Variants in UNC5A observed in about 807,000 individuals in gnomAD.
UNC5A encodes netrin receptor UNC5A.
A neutral mutation model predicts 87.4 loss-of-function variants in UNC5A; 20 were observed. That is an observed-to-expected ratio of 0.23 (90% CI 0.16 to 0.33). UNC5A has a LOEUF of 0.33. Among genes scored for constraint, UNC5A ranks in the 10% least tolerant of loss-of-function variants. The probability of loss-of-function intolerance (pLI) is 1.00; values close to 1 mark genes in which losing one functional copy is unlikely to be tolerated. For synonymous variants in UNC5A, 438 were observed against 482.3 expected (o/e 0.91, Z 1.20); for missense variants, 844 against 1,133.4 (o/e 0.74, Z 3.67).
intron 1 of UNC5A, among the ~76,000 whole-genome samples, chr5:176,812,842 C>A (rs947663265): frequency 6.6e-6 from 1 of 152,152 alleles, no homozygotes; most frequent in African/African-American, 2.4e-5. Context: ...GGACTCCCTT[C>A]CCCCTGTGCC....
chr5:176,830,880 G>T (rs1262074290), intron 1 of UNC5A, among the ~76,000 whole-genome samples: 3 of 122,488 alleles, frequency 2.4e-5, no homozygotes, highest in African/African-American at 7.9e-5. Flanking sequence ...TGGTGTGTGT[G>T]TGGGTGTATG....
intron 2 of UNC5A, 54 bp from the exon 3 acceptor site, chr5:176,868,076 A>G (rs1294804472): frequency 6.4e-7 from 1 of 1,570,344 alleles, no homozygotes; most frequent in Admixed American, 1.9e-5. Context: ...GAACCCACAC[A>G]CAGAAGCTCA....
intron 1 of UNC5A, among the ~76,000 whole-genome samples, chr5:176,842,080 C>T (rs1757290101): frequency 6.6e-6 from 1 of 152,182 alleles, no homozygotes; most frequent in African/African-American, 2.4e-5. Context: ...GCCTGTAGTC[C>T]CAGCTACTCG....
At chr5:176,862,125 G>A (rs1263024829) in intron 1 of UNC5A, among the ~76,000 whole-genome samples, 6 of 152,208 alleles carry the variant, frequency 3.9e-5, no homozygotes, top group Non-Finnish European at 5.9e-5. Flanking sequence ...TGCCCACCCC[G>A]CATGTTATTT....
chr5:176,862,551 C>T (rs780955903), intron 1 of UNC5A, 73 bp from the exon 2 acceptor site: 117 of 1,406,870 alleles, frequency 8.3e-5, no homozygotes, highest in Non-Finnish European at 1.1e-4. Flanking sequence ...ACGGTGGAAT[C>T]GTTTGCTGAG....
In UNC5A at chr5:176,879,799, C is replaced by A; in HGVS notation, c.2442C>A (p.Asn814Lys). The stretch of plus-strand genomic sequence containing the variant: ...TGTGGGAGGCGCGGCACTTCCCCAA[C>A]GGCAACCTCAGCCAGCTGGCTGCAG... ...LNLWEARHFP[N>K]GNLSQLAAAV... Residue 814 changes from asparagine to lysine, a missense_variant, in exon 15 of 15, where the codon AAC (asparagine) becomes AAA (lysine). Transcript: ENST00000329542. 6.2e-7 allele frequency: 1 copy of A among 1,613,346 alleles called. No individual in the cohort carries two copies. The highest frequency in any genetic ancestry group is 8.5e-7 in the Non-Finnish European group (1 of 1,179,898).
chr5:176,855,044 A>T (rs1757632692), intron 1 of UNC5A, among the ~76,000 whole-genome samples: 1 of 152,228 alleles, frequency 6.6e-6, no homozygotes, highest in Non-Finnish European at 1.5e-5. Flanking sequence ...CTTCAGCCAA[A>T]AAAAGGAATG....
chr5:176,822,418 G>A (rs1316429796), intron 1 of UNC5A, among the ~76,000 whole-genome samples: 1 of 152,224 alleles, frequency 6.6e-6, no homozygotes, highest in Non-Finnish European at 1.5e-5. Context: ...TCAAGGGCAG[G>A]GCCTGCAGGC....
In UNC5A at chr5:176,838,597, T is replaced by C. The variant is rs1757197665; in HGVS notation, c.71-24027T>C. Among the ~76,000 whole-genome samples the C allele has an allele frequency of 6.6e-6, 1 of 152,258 alleles. No individual in the cohort carries two copies. The highest frequency in any genetic ancestry group is 2.4e-5 in the African/African-American group (1 of 41,476). ...GATGCGCTGGCTCAGACAACAGCAC[T>C]CTGGAGCTACCCTGCTCGCTGTTCT... On this transcript the variant is annotated intron_variant, in intron 1 of 14. Coordinates refer to ENST00000329542, the MANE Select transcript of UNC5A (RefSeq NM_133369.3). The surrounding 1 kb of genome is among the most constrained non-coding windows in gnomAD (Gnocchi z 4.2).
Position 176,877,521 on chromosome 5 carries a change from T to C in UNC5A, c.1467-14T>C, listed in dbSNP as rs759187611. ...TGACACCTTTCCCTCCCCACCCATA[T>C]TTCCCCACTTGAGGTTGCCCCTAGC... On this transcript the variant is annotated splice_polypyrimidine_tract_variant and intron_variant, in intron 9 of 14. Coordinates refer to ENST00000329542, the MANE Select transcript of UNC5A (RefSeq NM_133369.3). The C allele has an allele frequency of 9.5e-6, 15 of 1,573,464 alleles. No homozygotes were observed. The East Asian group carries it at 1.8e-4, about 19-fold the overall frequency.
chr5:176,857,058 G>A (rs1757684767), intron 1 of UNC5A, among the ~76,000 whole-genome samples: 1 of 152,186 alleles, frequency 6.6e-6, no homozygotes, highest in Admixed American at 6.5e-5. Flanking sequence ...GGCATTCAGG[G>A]CGCTGCTCAG....
In UNC5A at chr5:176,814,625, G is replaced by A. The variant is rs960350595; in HGVS notation, c.70+3805G>A. Among the ~76,000 whole-genome samples the A allele has an allele frequency of 3.7e-4, 57 of 152,286 alleles. 1 individual carries two copies. Among genetic ancestry groups the A allele is most frequent in the Middle Eastern group, 6.8e-3 (2 of 294 alleles). On this transcript the variant is annotated intron_variant, in intron 1 of 14. Transcript: ENST00000329542. Reference sequence around the variant, plus strand: ...GTCCTGGCATACTGATGTGCTTTGGGTGGGCTAAAGAAAGACTGAGGTATT... The same window carrying A: ...GTCCTGGCATACTGATGTGCTTTGGATGGGCTAAAGAAAGACTGAGGTATT...
intron 10 of UNC5A, 32 bp downstream of exon 10, chr5:176,877,735 G>A (rs771693438): frequency 4.1e-5 from 64 of 1,564,244 alleles, no homozygotes; most frequent in Non-Finnish European, 5.3e-5. Context: ...GCTCCAGAAG[G>A]GAACGTGGGC....
intron 1 of UNC5A, among the ~76,000 whole-genome samples, chr5:176,860,969 C>T (rs1757823178): frequency 6.6e-6 from 1 of 152,100 alleles, no homozygotes; most frequent in African/African-American, 2.4e-5. Flanking sequence ...GGCCGGCGAC[C>T]CAGCAGCGGA....
chr5:176,869,393 C>T lies in UNC5A; in HGVS notation c.721+429C>T, dbSNP rs961182667. On this transcript the variant is annotated intron_variant, in intron 5 of 14. Coordinates refer to ENST00000329542, the MANE Select transcript of UNC5A (RefSeq NM_133369.3). The surrounding 1 kb of genome is among the most constrained non-coding windows in gnomAD (Gnocchi z 9.1). ...GTGAGCCGCGGTTCAGCCTGGCTAC[C>T]CCGAGTGCCCCCTGGGAGAAGGGAA... 8.5e-5 allele frequency among the ~76,000 whole-genome samples: 13 copies of T among 152,094 alleles called. No individual in the cohort carries two copies. The highest frequency in any genetic ancestry group is 1.6e-4 in the Non-Finnish European group (11 of 67,976).
At chr5:176,834,259 G>A (rs140165717) in intron 1 of UNC5A, among the ~76,000 whole-genome samples, 16 of 152,280 alleles carry the variant, frequency 1.1e-4, no homozygotes, top group South Asian at 8.3e-4. Context: ...CCCCCTGCCC[G>A]TCCCTGTCCT....
At position 176,876,580 on chromosome 5, in the gene UNC5A, C is replaced by T. The variant is rs373098964; in HGVS notation, c.1379-612C>T. Among the ~76,000 whole-genome samples the T allele has an allele frequency of 1.2e-4, 19 of 152,326 alleles. No individual in the cohort carries two copies. The East Asian group carries it at 1.9e-3, about 15-fold the overall frequency. On this transcript the variant is annotated intron_variant, in intron 8 of 14. Coordinates refer to ENST00000329542, the MANE Select transcript of UNC5A (RefSeq NM_133369.3). ...ACACGCTGATCCTGCTCCTCCAAGA[C>T]GTTGGAGCAGAGGCAAGCCAGCCGA... is the stretch of plus-strand genomic sequence containing the variant.
At chr5:176,821,461 G>C (rs1422943823) in intron 1 of UNC5A, among the ~76,000 whole-genome samples, 1 of 152,174 alleles carries the variant, frequency 6.6e-6, no homozygotes, top group African/African-American at 2.4e-5. Flanking sequence ...CTGGAGGCCC[G>C]TCTTTGGTGT....
intron 1 of UNC5A, among the ~76,000 whole-genome samples, chr5:176,814,359 G>T (rs1353882265): frequency 6.6e-6 from 1 of 152,138 alleles, no homozygotes; most frequent in Non-Finnish European, 1.5e-5. Flanking sequence ...GCCCTCCCTG[G>T]CTCTGACTGC....
Sources: allele counts gnomAD v4.1 joint callset (sites outside exome capture counted in the v4.1 genomes callset), GRCh38; gene constraint gnomAD v4.1.1; non-coding constraint Gnocchi (gnomAD v3.1); transcripts MANE v1.5; gene names NCBI Gene and HGNC (gene_info 2026-07-23, HGNC 2026-07-21).